SLC2A3: variants seen among roughly 807,000 people sequenced by gnomAD.
SLC2A3 encodes the protein solute carrier family 2 member 3.
In SLC2A3, 21 loss-of-function variants were observed where a neutral mutation model predicts 46.4. The observed-to-expected ratio is 0.45, with a 90% CI of 0.32 to 0.65. SLC2A3 has a LOEUF of 0.65. Among genes scored for constraint, SLC2A3 ranks in the 30% least tolerant of loss-of-function variants. SLC2A3 has a pLI of 0.04. For missense variants in SLC2A3, 499 were observed against 623.3 expected (o/e 0.80, Z 2.12); for synonymous variants, 213 against 239.4 (o/e 0.89, Z 1.02).
intron 8 of SLC2A3, chr12:7,923,346 A>ATT: frequency 1.4e-5 from 3 of 212,224 alleles, no homozygotes; most frequent in South Asian, 9.5e-5. Flanking sequence ...TTAAAAAAAA[A>ATT]TTTTTTTTTT....
At chr12:7,930,929 T>C (rs1187225400) in intron 4 of SLC2A3, among the ~76,000 whole-genome samples, 1 of 151,232 alleles carries the variant, frequency 6.6e-6, no homozygotes, top group Non-Finnish European at 1.5e-5. Flanking sequence ...CCGGAGTAGC[T>C]GGGACTACAG....
chr12:7,929,456 T>A, intron 6 of SLC2A3: 1 of 615,802 alleles, frequency 1.6e-6, no homozygotes, highest in Non-Finnish European at 2.6e-6. Context: ...CCAGGGTCTT[T>A]TTTTTTTTTC....
intron 6 of SLC2A3, among the ~76,000 whole-genome samples, 196 bp from the exon 7 acceptor site, chr12:7,926,144 T>C (rs746319660): frequency 5.9e-5 from 9 of 152,110 alleles, no homozygotes; most frequent in Non-Finnish European, 1.0e-4. Flanking sequence ...CAGGCAGGAG[T>C]GCAGTGGCAC....
chr12:7,922,637 T>C (rs144088483), intron 9 of SLC2A3, among the ~76,000 whole-genome samples, 184 bp downstream of exon 9: 1 of 152,028 alleles, frequency 6.6e-6, no homozygotes, highest in Non-Finnish European at 1.5e-5. Context: ...AATTTTTGAA[T>C]TTCACCATGT....
At chr12:7,930,719 G>GA (rs759017874) in intron 4 of SLC2A3, 77 bp from the exon 5 acceptor site, 8 of 1,352,404 alleles carry the variant, frequency 5.9e-6, no homozygotes, top group Non-Finnish European at 7.9e-6. Flanking sequence ...AAAAAGTTCA[G>GA]AAAATCATAC....
intron 6 of SLC2A3, among the ~76,000 whole-genome samples, chr12:7,929,326 C>T (rs919628633): frequency 5.3e-5 from 8 of 152,048 alleles, no homozygotes; most frequent in East Asian, 1.9e-4. Flanking sequence ...TGCTAGCTTC[C>T]GTTGTGCCGC....
intron 8 of SLC2A3, chr12:7,923,315 T>C: frequency 3.2e-6 from 1 of 315,114 alleles, no homozygotes; most frequent in Non-Finnish European, 5.8e-6. Flanking sequence ...ACTTGAAGCA[T>C]GTGCCACCAC....
chr12:7,929,489 C>A, intron 6 of SLC2A3, 195 bp downstream of exon 6: 2 of 674,006 alleles, frequency 3.0e-6, no homozygotes, highest in Non-Finnish European at 4.6e-6. Flanking sequence ...TTCAGAGACA[C>A]AGTCTCACTC....
At chr12:7,927,165 G>A (rs1490849318) in intron 6 of SLC2A3, among the ~76,000 whole-genome samples, 2 of 152,054 alleles carry the variant, frequency 1.3e-5, no homozygotes, top group African/African-American at 2.4e-5. Context: ...TCTAAAATAA[G>A]ATAATTGTGT....
intron 2 of SLC2A3, 165 bp from the exon 3 acceptor site, chr12:7,933,312 G>C: frequency 3.6e-6 from 3 of 836,246 alleles, no homozygotes; most frequent in Non-Finnish European, 5.5e-6. Context: ...CGCTGGAATA[G>C]TAATTCTATT....
In SLC2A3 at chr12:7,933,032, A is replaced by G. The variant is rs1946173844; in HGVS notation, c.224T>C (p.Met75Thr). ...GAGTCCGACGGAAAAGGAGCCGATC[A>G]TACCCCCGACGGAAAATATGGCCAC... ...LSVAIFSVGG[M>T]IGSFSVGLFV... Residue 75 changes from methionine to threonine, a missense_variant, in exon 3 of 10, where the codon ATG becomes ACG. Coordinates refer to ENST00000075120, the MANE Select transcript of SLC2A3 (RefSeq NM_006931.3). 6.2e-7 allele frequency: 1 copy of G among 1,614,028 alleles called. No individual in the cohort carries two copies. Among genetic ancestry groups the G allele is most frequent in the Non-Finnish European group, 8.5e-7 (1 of 1,180,020 alleles).
chr12:7,922,524 C>T (rs962431251), intron 9 of SLC2A3, among the ~76,000 whole-genome samples: 2 of 152,144 alleles, frequency 1.3e-5, no homozygotes, highest in African/African-American at 2.4e-5. Flanking sequence ...TGCAGTAACG[C>T]GATCTCAGCT....
At chr12:7,923,644 G>C (rs1321496815) in intron 8 of SLC2A3, among the ~76,000 whole-genome samples, 1 of 151,950 alleles carries the variant, frequency 6.6e-6, no homozygotes, top group Non-Finnish European at 1.5e-5. Context: ...TTTTTTTGTA[G>C]AGAAAGTTTC....
At position 7,931,230 on chromosome 12, in the gene SLC2A3, G is replaced by C; in HGVS notation, c.510+15C>G. On this transcript the variant is annotated intron_variant, in intron 4 of 9. Coordinates refer to ENST00000075120, the MANE Select transcript of SLC2A3 (RefSeq NM_006931.3). ...TGAAACTAACACTCATTAAGTATGA[G>C]AAGTTCTAGAGTACCTGGGCCACCA... is the stretch of plus-strand genomic sequence containing the variant. The C allele has an allele frequency of 6.2e-7, 1 of 1,613,876 alleles. No individual in the cohort carries two copies.
At chr12:7,929,508 A>C in intron 6 of SLC2A3, 176 bp downstream of exon 6, 1 of 870,372 alleles carries the variant, frequency 1.1e-6, no homozygotes, top group Non-Finnish European at 1.7e-6. Flanking sequence ...TCTGTCTCCC[A>C]GGCTGGAATG....
rs914533618 is a variant in SLC2A3 at position 7,935,431 on chromosome 12, A to T, written c.15+589T>A. 7.9e-5 allele frequency among the ~76,000 whole-genome samples: 12 copies of T among 152,156 alleles called. 1 individual carries two copies. Among genetic ancestry groups the T allele is most frequent in the Non-Finnish European group, 1.8e-4 (12 of 68,024 alleles). ...CGCTCCATTGCACTCCAGCCTGGGC[A>T]ACAAGAGTAAAACTCAATCAGAAAA... On this transcript the variant is annotated intron_variant, in intron 1 of 9. Transcript: ENST00000075120.
chr12:7,929,711 G>A lies in SLC2A3; in HGVS notation c.834C>T (p.Leu278=), dbSNP rs1946132243. 6.2e-7 allele frequency: 1 copy of A among 1,613,430 alleles called. No individual in the cohort carries two copies. The highest frequency in any genetic ancestry group is 1.1e-5 in the South Asian group (1 of 91,058). The change falls in exon 6 of 10, where the codon CTC becomes CTT. Residue 278 remains leucine, a synonymous_variant. Transcript: ENST00000075120. Reference sequence around the variant, plus strand: ...CATTGATCCCAGAGAGCTGCTGAGAGAGCTGGAGCACAATGGAAATGATGA... The same window carrying A: ...CATTGATCCCAGAGAGCTGCTGAGAAAGCTGGAGCACAATGGAAATGATGA... ...QPIIISIVLQ[L]SQQLSGINAV... is the part of the protein sequence containing the mutation.
In SLC2A3 at chr12:7,930,821, GA is replaced by G. The variant is rs781328535; in HGVS notation, c.511-180del. On this transcript the variant is annotated intron_variant, in intron 4 of 9. Coordinates refer to ENST00000075120, the MANE Select transcript of SLC2A3 (RefSeq NM_006931.3). ...TTTTTTTTTTTTTTTTTTTGAGACGGAGTCTTGCTCTGTCACCCAGGCTGGA... is the reference window on the plus strand; with the variant it reads ...TTTTTTTTTTTTTTTTTTTGAGACGGGTCTTGCTCTGTCACCCAGGCTGGA... Among the ~76,000 whole-genome samples, 22 of 133,184 alleles carry G rather than the reference GA, an allele frequency of 1.7e-4. No homozygotes were observed. The East Asian group carries it at 4.5e-3, about 28-fold the overall frequency. 87.4% of individuals were successfully genotyped at this position (133,184 alleles called of 152,430 possible). A position where few individuals can be genotyped will look rare whatever the true frequency, so the allele number is the denominator to read the frequency against.
chr12:7,934,499 G>T (rs957544680), intron 1 of SLC2A3, among the ~76,000 whole-genome samples: 51 of 151,946 alleles, frequency 3.4e-4, no homozygotes, highest in African/African-American at 1.1e-3. Context: ...TAACTCCCGC[G>T]CAGGGGAAGA....
Sources: gnomAD v4.1 joint callset for allele counts (sites outside exome capture counted in the v4.1 genomes callset) on GRCh38, gnomAD v4.1.1 for gene constraint, MANE v1.5 for transcripts, NCBI Gene and HGNC (gene_info 2026-07-23, HGNC 2026-07-21) for gene names.